INVS: variants seen among roughly 807,000 people sequenced by gnomAD.
The protein encoded by INVS is inversion of embryo turning homolog.
A neutral mutation model predicts 108.8 loss-of-function variants in INVS; 86 were observed. That is an observed-to-expected ratio of 0.79 (90% confidence interval 0.66 to 0.95). The LOEUF is 0.95. INVS is among the 40% of genes least tolerant of loss of function. The pLI is 0.00. For missense variants in INVS, 1,169 were observed against 1,297.4 expected (o/e 0.90, Z 1.52); for synonymous variants, 455 against 473.5 (o/e 0.96, Z 0.51).
Position 100,246,757 on chromosome 9 carries a change from A to G in INVS, c.1048A>G (p.Ile350Val), listed in dbSNP as rs767638762. 30 of 1,613,974 alleles carry G rather than the reference A, an allele frequency of 1.9e-5. No individual in the cohort carries two copies. Among genetic ancestry groups the G allele is most frequent in the Non-Finnish European group, 2.0e-5 (24 of 1,179,960 alleles). ...GCTGAGCTTAAAATCGGACATAGAT[A>G]TTAACATGGCTGACAAATATGGAGG... ...TMLSLKSDIDINMADKYGGTA... is the reference protein window; with the variant it reads ...TMLSLKSDIDVNMADKYGGTA... The change falls in exon 8 of 17, where the codon ATT becomes GTT. Residue 350 changes from isoleucine to valine, a missense_variant. Around this residue, in one of 3 missense-constraint regions of INVS, gnomAD observed 271 missense variants for 363.8 expected, o/e 0.74. Transcript: ENST00000262457.
chr9:100,111,409 A>C (rs1032145916), intron 2 of INVS, among the ~76,000 whole-genome samples: 2 of 152,226 alleles, frequency 1.3e-5, no homozygotes, highest in Non-Finnish European at 2.9e-5. Flanking sequence ...AAATAACTGA[A>C]TGCGGTAGAG....
At chr9:100,135,342 G>T (rs927760040) in intron 3 of INVS, among the ~76,000 whole-genome samples, 2 of 151,974 alleles carry the variant, frequency 1.3e-5, no homozygotes, top group Admixed American at 1.3e-4. Context: ...CTTATCCAGG[G>T]GTTCTTAGAT....
At chr9:100,275,053 C>T (rs767735584) in intron 12 of INVS, among the ~76,000 whole-genome samples, 60 of 152,162 alleles carry the variant, frequency 3.9e-4, no homozygotes, top group Non-Finnish European at 6.8e-4. Flanking sequence ...TTCTGTGACT[C>T]TAAAGCTACT....
intron 3 of INVS, among the ~76,000 whole-genome samples, chr9:100,154,059 G>C (rs929738064): frequency 6.6e-6 from 1 of 152,164 alleles, no homozygotes. Context: ...TCACTTCTGG[G>C]AATCTATTCT....
chr9:100,147,845 A>G (rs1238472267), intron 3 of INVS, among the ~76,000 whole-genome samples: 1 of 152,098 alleles, frequency 6.6e-6, no homozygotes, highest in Non-Finnish European at 1.5e-5. Flanking sequence ...TGGGTTAAAA[A>G]TAAGAGTATG....
chr9:100,239,059 G>A (rs1285104195), intron 5 of INVS, among the ~76,000 whole-genome samples: 1 of 152,184 alleles, frequency 6.6e-6, no homozygotes, highest in African/African-American at 2.4e-5. Flanking sequence ...GTGTTAATTG[G>A]TAAGACCATT....
chr9:100,292,121 A>G (rs1352877869), intron 13 of INVS, among the ~76,000 whole-genome samples: 2 of 152,180 alleles, frequency 1.3e-5, no homozygotes, highest in Non-Finnish European at 2.9e-5. Flanking sequence ...GATATCCACT[A>G]TATTTTCGTT....
At chr9:100,242,709 C>A (rs770225829) in intron 7 of INVS, 30 bp downstream of exon 7, 2 of 1,263,686 alleles carry the variant, frequency 1.6e-6, no homozygotes, top group South Asian at 1.2e-5. Context: ...GCTCTTTTTT[C>A]TTAGTGAAAA....
At chr9:100,197,259 T>C (rs1031791894) in intron 3 of INVS, among the ~76,000 whole-genome samples, 15 of 152,140 alleles carry the variant, frequency 9.9e-5, no homozygotes, top group Non-Finnish European at 1.6e-4. Flanking sequence ...TATTAAAAGA[T>C]ACAAATAAAC....
Position 100,099,365 on chromosome 9 carries a change from G to A in INVS, c.-76G>A, listed in dbSNP as rs1009725507. 7.2e-5 allele frequency: 11 copies of A among 153,222 alleles called. No individual in the cohort carries two copies. The Admixed American group carries it at 7.2e-4, about 10-fold the overall frequency. 9.5% of individuals were successfully genotyped at this position (153,222 alleles called of 1,614,324 possible). A position where few individuals can be genotyped will look rare whatever the true frequency, so the allele number is the denominator to read the frequency against. On this transcript the variant is annotated 5_prime_UTR_variant, in exon 1 of 17. Coordinates refer to ENST00000262457, the MANE Select transcript of INVS (RefSeq NM_014425.5). ...CCGGCAGGAGGGGCGGCCCGGTCCGGGTTGCGCCTCCTGGAGCCGCCCCCG... is the reference window on the plus strand; with the variant it reads ...CCGGCAGGAGGGGCGGCCCGGTCCGAGTTGCGCCTCCTGGAGCCGCCCCCG...
At chr9:100,102,790 T>C (rs970253332) in intron 1 of INVS, 1 of 152,276 alleles carries the variant, frequency 6.6e-6, no homozygotes, top group Non-Finnish European at 1.5e-5. Flanking sequence ...ATTGCACCTA[T>C]GAATAGCCAC....
At chr9:100,283,530 CA>C (rs911886387) in intron 12 of INVS, among the ~76,000 whole-genome samples, 15 of 152,140 alleles carry the variant, frequency 9.9e-5, no homozygotes, top group Admixed American at 6.5e-5. Flanking sequence ...AATGGTCAAA[CA>C]AATCCTGCCC....
chr9:100,188,107 A>G (rs530272152), intron 3 of INVS, among the ~76,000 whole-genome samples: 3 of 152,288 alleles, frequency 2.0e-5, no homozygotes, highest in South Asian at 2.1e-4. Flanking sequence ...TAGGTGTACA[A>G]TCATATCATT....
intron 3 of INVS, among the ~76,000 whole-genome samples, chr9:100,212,254 G>A (rs1374969082): frequency 6.6e-6 from 1 of 152,140 alleles, no homozygotes; most frequent in Non-Finnish European, 1.5e-5. Context: ...ATATGGCACT[G>A]GTAGCTAACT....
chr9:100,229,037 C>T (rs1400912625), intron 4 of INVS, among the ~76,000 whole-genome samples: 1 of 152,190 alleles, frequency 6.6e-6, no homozygotes, highest in Non-Finnish European at 1.5e-5. Context: ...GTTTGGTATG[C>T]AACAGCAAAA....
intron 3 of INVS, among the ~76,000 whole-genome samples, chr9:100,213,323 C>A (rs1385285959): frequency 1.3e-5 from 2 of 152,062 alleles, no homozygotes; most frequent in African/African-American, 4.8e-5. Context: ...CCCTGCTCAC[C>A]TCTCTGATCT....
At chr9:100,114,031 G>A (rs1827427701) in intron 2 of INVS, among the ~76,000 whole-genome samples, 1 of 152,146 alleles carries the variant, frequency 6.6e-6, no homozygotes, top group Non-Finnish European at 1.5e-5. Flanking sequence ...AACAAAAGTG[G>A]CAACATTTTT....
chr9:100,281,641 T>C (rs1203801009), intron 12 of INVS, among the ~76,000 whole-genome samples: 1 of 152,160 alleles, frequency 6.6e-6, no homozygotes, highest in Non-Finnish European at 1.5e-5. Flanking sequence ...AAACATTAAT[T>C]ATATTTGTAA....
intron 16 of INVS, among the ~76,000 whole-genome samples, chr9:100,299,755 G>T (rs963752984): frequency 1.3e-5 from 2 of 151,844 alleles, no homozygotes; most frequent in African/African-American, 4.8e-5. Flanking sequence ...GAATAACTGT[G>T]ATTATTAGTA....
Sources: allele counts gnomAD v4.1 joint callset (sites outside exome capture counted in the v4.1 genomes callset), GRCh38; gene constraint gnomAD v4.1.1; regional missense constraint gnomAD v4.1.1; transcripts MANE v1.5; gene names NCBI Gene and HGNC (gene_info 2026-07-23, HGNC 2026-07-21).